Variants in ATP13A4 observed in about 807,000 individuals in gnomAD.
ATP13A4 encodes ATPase 13A4.
ATP13A4 carries 114 observed loss-of-function variants against 142.5 expected under a neutral mutation model. The observed-to-expected ratio is 0.80, with a 90% CI of 0.69 to 0.93. The LOEUF (loss-of-function observed/expected upper bound fraction) is 0.93, where lower values mean the gene tolerates loss of function less well. ATP13A4 is among the 40% of genes least tolerant of loss of function. ATP13A4 has a pLI of 0.00. For missense variants in ATP13A4, 1,392 were observed against 1,454.0 expected, an observed-to-expected ratio of 0.96 and a Z score of 0.69; for synonymous variants, 488 against 514.8, an observed-to-expected ratio of 0.95 and a Z score of 0.70.
intron 25 of ATP13A4, among the ~76,000 whole-genome samples, chr3:193,433,088 A>G (rs1161749684): frequency 1.3e-5 from 2 of 152,210 alleles, no homozygotes; most frequent in African/African-American, 4.8e-5. Context: ...TAGTTTCAAC[A>G]TGAATGTTGG....
intron 24 of ATP13A4, 73 bp downstream of exon 24, chr3:193,435,575 G>A (rs1716218507): frequency 1.8e-6 from 2 of 1,135,702 alleles, no homozygotes; most frequent in Non-Finnish European, 2.7e-6. Flanking sequence ...TCTTTGAGAG[G>A]CATTGTAAAT....
chr3:193,570,915 A>AT (rs1302660377), intron 2 of ATP13A4, among the ~76,000 whole-genome samples: 1 of 152,232 alleles, frequency 6.6e-6, no homozygotes. Flanking sequence ...ATTCCCAATA[A>AT]TTGGTAGCTA....
chr3:193,552,372 T>C (rs1723629662), intron 1 of ATP13A4, among the ~76,000 whole-genome samples: 1 of 152,214 alleles, frequency 6.6e-6, no homozygotes, highest in Non-Finnish European at 1.5e-5. Context: ...CCCTAGCATG[T>C]TGTTTTCTCT....
intron 12 of ATP13A4, among the ~76,000 whole-genome samples, chr3:193,463,424 TAAAA>T (rs11336311): frequency 2.1e-5 from 2 of 95,996 alleles, no homozygotes; most frequent in Admixed American, 1.2e-4. Flanking sequence ...TGCTATTTGG[TAAAA>T]AAAAAAAAAA....
intron 17 of ATP13A4, among the ~76,000 whole-genome samples, chr3:193,452,892 C>A (rs903576512): frequency 1.3e-5 from 2 of 151,410 alleles, no homozygotes; most frequent in East Asian, 3.9e-4. Flanking sequence ...CACTTATATT[C>A]TTTTGAATTT....
chr3:193,433,604 T>A (rs934007552), intron 25 of ATP13A4, among the ~76,000 whole-genome samples: 1 of 152,238 alleles, frequency 6.6e-6, no homozygotes, highest in Non-Finnish European at 1.5e-5. Flanking sequence ...TGACCATTTA[T>A]AGAAGTTCCA....
intron 25 of ATP13A4, among the ~76,000 whole-genome samples, chr3:193,425,506 C>T (rs1220453355): frequency 1.3e-5 from 2 of 151,456 alleles, no homozygotes; most frequent in Non-Finnish European, 3.0e-5. Flanking sequence ...GTGGTATACA[C>T]GATGGAATAC....
chr3:193,526,558 C>A (rs895119400), intron 1 of ATP13A4, among the ~76,000 whole-genome samples: 1 of 152,046 alleles, frequency 6.6e-6, no homozygotes, highest in Non-Finnish European at 1.5e-5. Flanking sequence ...CACTATGGCA[C>A]ACGTATATCT....
chr3:193,440,268 AG>A, intron 21 of ATP13A4: 1 of 386,012 alleles, frequency 2.6e-6, no homozygotes, highest in South Asian at 2.7e-5. Context: ...ACACTCTTTC[AG>A]GACCCTTAGG....
intron 1 of ATP13A4, among the ~76,000 whole-genome samples, chr3:193,591,985 A>G (rs1265848974): frequency 6.6e-6 from 1 of 152,088 alleles, no homozygotes; most frequent in Admixed American, 6.5e-5. Context: ...AATAAAGAAA[A>G]TTCTAAGAGT....
intron 2 of ATP13A4, among the ~76,000 whole-genome samples, chr3:193,569,672 T>G (rs1560285896): frequency 6.6e-6 from 1 of 152,080 alleles, no homozygotes; most frequent in East Asian, 1.9e-4. Flanking sequence ...GAACGACAGA[T>G]GCACGCCACC....
At chr3:193,554,038 T>C (rs77618401) in intron 1 of ATP13A4, among the ~76,000 whole-genome samples, 4,751 of 152,344 alleles carry the variant, frequency 0.031, 79 homozygotes, top group East Asian at 0.048. Context: ...CTCTTGATTA[T>C]ATTGTAATTG....
intron 17 of ATP13A4, among the ~76,000 whole-genome samples, chr3:193,453,743 A>ATT (rs34481097): frequency 6.6e-6 from 1 of 151,934 alleles, no homozygotes; most frequent in Non-Finnish European, 1.5e-5. Context: ...ACCAACTATA[A>ATT]TTTTTTTTAA....
chr3:193,540,527 C>CAAAA (rs11360543), intron 1 of ATP13A4, among the ~76,000 whole-genome samples: 1 of 44,782 alleles, frequency 2.2e-5, no homozygotes, highest in Non-Finnish European at 3.8e-5. Context: ...GGCTCTCTGC[C>CAAAA]AAAAAAAAAA....
At chr3:193,430,574 A>C (rs1715915294) in intron 25 of ATP13A4, among the ~76,000 whole-genome samples, 1 of 152,142 alleles carries the variant, frequency 6.6e-6, no homozygotes. Flanking sequence ...AAGAAGTGAC[A>C]TTTGAGCTCA....
chr3:193,578,910 T>G (rs1724469195), intron 2 of ATP13A4: 1 of 204,856 alleles, frequency 4.9e-6, no homozygotes, highest in African/African-American at 2.3e-5. Context: ...TCCTTAATTA[T>G]TTCCTCCTAT....
chr3:193,478,800 G>T (rs1441555105), intron 8 of ATP13A4, among the ~76,000 whole-genome samples: 1 of 149,858 alleles, frequency 6.7e-6, no homozygotes, highest in Non-Finnish European at 1.5e-5. Flanking sequence ...CCAAAACCAG[G>T]GAACGACATA....
At chr3:193,575,622 T>C (rs1469404133) in intron 2 of ATP13A4, among the ~76,000 whole-genome samples, 2 of 152,232 alleles carry the variant, frequency 1.3e-5, no homozygotes, top group African/African-American at 2.4e-5. Flanking sequence ...GCTGATTGTA[T>C]ATCCATCAGG....
chr3:193,585,585 T>C lies in ATP13A4; in HGVS notation n.92-3679A>G, dbSNP rs185601334. Among the ~76,000 whole-genome samples the C allele has an allele frequency of 1.2e-3, 188 of 152,220 alleles. 2 individuals carry two copies. Among genetic ancestry groups the C allele is most frequent in the African/African-American group, 4.2e-3 (176 of 41,556 alleles). On this transcript the variant is annotated intron_variant and non_coding_transcript_variant, in intron 1 of 3. Transcript: ENST00000489140. ...AATGTGGCCCAGGGAAGCCAAAAAATTGGACACCCCTGTTCTAAATGTTTA... is the reference window on the plus strand; with the variant it reads ...AATGTGGCCCAGGGAAGCCAAAAAACTGGACACCCCTGTTCTAAATGTTTA...
Sources: allele counts gnomAD v4.1 joint callset (sites outside exome capture counted in the v4.1 genomes callset), GRCh38; gene constraint gnomAD v4.1.1; transcripts MANE v1.5; gene names NCBI Gene and HGNC (gene_info 2026-07-23, HGNC 2026-07-21).